The following DCC variants were observed in gnomAD, a reference collection of about 807,000 sequenced individuals.
The protein encoded by DCC is netrin receptor DCC.
In DCC, 58 loss-of-function variants were observed where a neutral mutation model predicts 172.5. The observed-to-expected ratio is 0.34, with a 90% CI of 0.27 to 0.42. The LOEUF (loss-of-function observed/expected upper bound fraction) is 0.42, where lower values mean the gene tolerates loss of function less well. DCC is among the 10% of genes least tolerant of loss of function. The pLI, the probability that DCC is intolerant of heterozygous loss-of-function variation, is 1.00. For missense variants in DCC, 1,740 were observed against 1,791.0 expected, an observed-to-expected ratio of 0.97 and a Z score of 0.51; for synonymous variants, 709 against 644.5, an observed-to-expected ratio of 1.10 and a Z score of -1.52.
At chr18:53,042,306 C>T (rs773971725) in intron 5 of DCC, among the ~76,000 whole-genome samples, 11 of 151,798 alleles carry the variant, frequency 7.2e-5, no homozygotes, top group Non-Finnish European at 1.3e-4. Flanking sequence ...ATGGATTATG[C>T]TTATTGATTT....
At chr18:53,424,343 C>G (rs1470366093) in intron 21 of DCC, among the ~76,000 whole-genome samples, 7 of 152,088 alleles carry the variant, frequency 4.6e-5, no homozygotes, top group Non-Finnish European at 8.8e-5. Flanking sequence ...TACTATGTAT[C>G]CAGTACTGTG....
chr18:52,423,067 G>A (rs567938804), intron 1 of DCC, among the ~76,000 whole-genome samples: 1 of 152,148 alleles, frequency 6.6e-6, no homozygotes, highest in African/African-American at 2.4e-5. Context: ...TCCTTTCCTG[G>A]GACACCTGGA....
intron 5 of DCC, among the ~76,000 whole-genome samples, chr18:52,971,590 T>C (rs1335770048): frequency 6.6e-6 from 1 of 151,672 alleles, no homozygotes; most frequent in African/African-American, 2.4e-5. Flanking sequence ...TAGACTGAAG[T>C]AGGGAATGAC....
At position 53,435,176 on chromosome 18, in the gene DCC, G is replaced by A; in HGVS notation, c.3196G>A (p.Asp1066Asn). The A allele has an allele frequency of 6.2e-7, 1 of 1,611,050 alleles. No individual in the cohort carries two copies. The highest frequency in any genetic ancestry group is 8.5e-7 in the Non-Finnish European group (1 of 1,177,364). Reference sequence around the variant, plus strand: ...TGGAGATGGAGGTTATTGGCCAGTTGATACTAATTTGATTGATAGAAGCAC... The same window carrying A: ...TGGAGATGGAGGTTATTGGCCAGTTAATACTAATTTGATTGATAGAAGCAC... ...RHGDGGYWPV[D>N]TNLIDRSTLN... The change falls in exon 22 of 29, where the codon GAT (aspartate) becomes AAT (asparagine). Residue 1066 changes from aspartate to asparagine, a missense_variant. Physicochemically the swap from Asp to Asn is conservative, Grantham distance 23. Transcript: ENST00000442544.
intron 14 of DCC, among the ~76,000 whole-genome samples, chr18:53,332,594 C>T (rs1159202416): frequency 1.3e-5 from 2 of 151,870 alleles, no homozygotes; most frequent in East Asian, 3.9e-4. Context: ...TGATACAAAT[C>T]AATAAGTAAA....
intron 5 of DCC, among the ~76,000 whole-genome samples, chr18:52,980,944 A>AT (rs35143538): frequency 0.015 from 2,183 of 145,624 alleles, 41 homozygotes; most frequent in African/African-American, 0.041. Context: ...ACATACTGCT[A>AT]TTTTTTTTTT....
intron 1 of DCC, among the ~76,000 whole-genome samples, chr18:52,476,246 C>A (rs551453481): frequency 8.5e-5 from 13 of 152,194 alleles, no homozygotes; most frequent in Admixed American, 7.2e-4. Flanking sequence ...TGTCTCTTTT[C>A]CCTTTTGTTC....
At chr18:53,358,290 G>A (rs1199600047) in intron 15 of DCC, among the ~76,000 whole-genome samples, 1 of 151,844 alleles carries the variant, frequency 6.6e-6, no homozygotes, top group East Asian at 1.9e-4. Flanking sequence ...CTTTTCAAAT[G>A]TTCTTGATCA....
chr18:52,417,868 A>C (rs2144422592), intron 1 of DCC, among the ~76,000 whole-genome samples: 1 of 152,270 alleles, frequency 6.6e-6, no homozygotes, highest in Middle Eastern at 3.4e-3. Flanking sequence ...TTCTTCTCTC[A>C]ACTCATCAAA....
chr18:53,485,914 A>G (rs1353915620), intron 25 of DCC, among the ~76,000 whole-genome samples: 1 of 152,020 alleles, frequency 6.6e-6, no homozygotes, highest in Admixed American at 6.6e-5. Flanking sequence ...TGGCATTACC[A>G]TCTAAATAAA....
chr18:52,934,702 A>C (rs1264776544), intron 5 of DCC: 1 of 152,134 alleles, frequency 6.6e-6, no homozygotes, highest in African/African-American at 2.4e-5. Context: ...CTTTCTTTAA[A>C]TGAGTAACTA....
chr18:53,012,708 GTTAC>G (rs756909362), intron 5 of DCC, among the ~76,000 whole-genome samples: 11 of 152,046 alleles, frequency 7.2e-5, no homozygotes, highest in African/African-American at 1.7e-4. Flanking sequence ...ACAGTGAGTT[GTTAC>G]TTAATTAAAA....
At chr18:52,821,783 G>T (rs1316947300) in intron 2 of DCC, among the ~76,000 whole-genome samples, 1 of 152,182 alleles carries the variant, frequency 6.6e-6, no homozygotes, top group Non-Finnish European at 1.5e-5. Flanking sequence ...AGCAAGTTCT[G>T]TTTTGTATAC....
chr18:52,524,796 T>G (rs894523070), intron 1 of DCC, among the ~76,000 whole-genome samples: 6 of 152,118 alleles, frequency 3.9e-5, no homozygotes, highest in Non-Finnish European at 8.8e-5. Flanking sequence ...AAAGAGCATA[T>G]TTTTCTAATT....
chr18:52,570,887 T>G (rs1229925058), intron 1 of DCC, among the ~76,000 whole-genome samples: 1 of 152,190 alleles, frequency 6.6e-6, no homozygotes, highest in Non-Finnish European at 1.5e-5. Context: ...TTTTATTAAT[T>G]TTTTTGGTCA....
intron 1 of DCC, among the ~76,000 whole-genome samples, chr18:52,748,128 C>T (rs1343550009): frequency 2.6e-5 from 4 of 152,168 alleles, no homozygotes; most frequent in African/African-American, 2.4e-5. Context: ...ATCCAGCCAC[C>T]ACCGCACAGA....
At chr18:53,402,018 T>C (rs1909328307) in intron 18 of DCC, among the ~76,000 whole-genome samples, 1 of 152,214 alleles carries the variant, frequency 6.6e-6, no homozygotes, top group Non-Finnish European at 1.5e-5. Context: ...TTCTCATGTG[T>C]GCCTTCCTGT....
At chr18:52,460,042 G>T (rs1331118397) in intron 1 of DCC, among the ~76,000 whole-genome samples, 2 of 151,710 alleles carry the variant, frequency 1.3e-5, no homozygotes, top group African/African-American at 4.8e-5. Flanking sequence ...TTTCTTTATG[G>T]TAGAGCATAG....
At chr18:53,404,868 A>G (rs10515961) in intron 19 of DCC, among the ~76,000 whole-genome samples, 36,446 of 152,174 alleles carry the variant, frequency 0.24, 4,860 homozygotes, top group East Asian at 0.41. Flanking sequence ...TATACGTTCA[A>G]TGGATCTTAC....
Sources: gnomAD v4.1 joint callset for allele counts (sites outside exome capture counted in the v4.1 genomes callset) on GRCh38, gnomAD v4.1.1 for gene constraint, MANE v1.5 for transcripts, NCBI Gene and HGNC (gene_info 2026-07-23, HGNC 2026-07-21) for gene names.